The following EXOC4 variants were observed in gnomAD, a reference collection of about 807,000 sequenced individuals.
EXOC4 encodes the protein SEC8-like 1.
In EXOC4, 71 loss-of-function variants were observed where a neutral mutation model predicts 107.2. That is an observed-to-expected ratio of 0.66 (90% CI 0.55 to 0.81). The LOEUF (loss-of-function observed/expected upper bound fraction) is 0.81, where lower values mean the gene tolerates loss of function less well. EXOC4 is among the 30% of genes least tolerant of loss of function. The pLI, the probability that EXOC4 is intolerant of heterozygous loss-of-function variation, is 0.00. For synonymous variants in EXOC4, 456 were observed against 441.2 expected (o/e 1.03, Z -0.42); for missense variants, 1,108 against 1,189.6 (o/e 0.93, Z 1.01).
intron 10 of EXOC4, among the ~76,000 whole-genome samples, chr7:133,698,586 A>AAAT (rs1554387388): frequency 6.6e-6 from 1 of 151,584 alleles, no homozygotes; most frequent in Non-Finnish European, 1.5e-5. Context: ...AAAAAAAAAA[A>AAAT]AATATAGAAG....
the EXOC4 span, among the ~76,000 whole-genome samples, chr7:134,094,372 G>A: frequency 9.2e-5 from 14 of 152,248 alleles, 1 homozygote; most frequent in East Asian, 7.7e-4. Flanking sequence ...GGAAGAAATT[G>A]AAACACTGAA....
intron 9 of EXOC4, among the ~76,000 whole-genome samples, chr7:133,498,395 C>A (rs1382743466): frequency 6.6e-6 from 1 of 152,144 alleles, no homozygotes; most frequent in Admixed American, 6.5e-5. Flanking sequence ...ACCATCCTGG[C>A]TAACACGGTG....
chr7:133,795,561 T>C (rs939797825), intron 10 of EXOC4, among the ~76,000 whole-genome samples: 9 of 152,208 alleles, frequency 5.9e-5, no homozygotes, highest in Non-Finnish European at 1.3e-4. Flanking sequence ...CAGTTATGAA[T>C]AGCACAGCCA....
intron 14 of EXOC4, among the ~76,000 whole-genome samples, chr7:133,971,275 A>T (rs183435829): frequency 0.026 from 2,412 of 94,082 alleles, 67 homozygotes; most frequent in African/African-American, 0.062. Context: ...TTGGTTTTTT[A>T]AAAAAAATAT....
chr7:133,363,971 A>G (rs1002716696), intron 6 of EXOC4, among the ~76,000 whole-genome samples: 2 of 152,096 alleles, frequency 1.3e-5, no homozygotes, highest in African/African-American at 2.4e-5. Context: ...AAGCACCTTC[A>G]TGTGTCTCTC....
At chr7:133,331,626 C>T (rs773917071) in intron 5 of EXOC4, among the ~76,000 whole-genome samples, 8 of 152,016 alleles carry the variant, frequency 5.3e-5, no homozygotes, top group Non-Finnish European at 8.8e-5. Flanking sequence ...CCACCTCGCC[C>T]GGCTAATTTT....
At chr7:134,074,837 A>G in the EXOC4 span, among the ~76,000 whole-genome samples, 1 of 152,368 alleles carries the variant, frequency 6.6e-6, no homozygotes, top group Admixed American at 6.5e-5. Context: ...CTCACGGAGC[A>G]TTTCTGAGGA....
intron 9 of EXOC4, among the ~76,000 whole-genome samples, chr7:133,617,796 A>G (rs1305735871): frequency 6.6e-6 from 1 of 152,214 alleles, no homozygotes; most frequent in Non-Finnish European, 1.5e-5. Context: ...TCTTGTCAAA[A>G]TATACATCCT....
intron 14 of EXOC4, among the ~76,000 whole-genome samples, chr7:133,959,551 T>TA (rs1395455560): frequency 6.6e-5 from 10 of 150,954 alleles, no homozygotes; most frequent in African/African-American, 1.7e-4. Context: ...GAGAGGGCCA[T>TA]AAAAAAAATT....
intron 11 of EXOC4, among the ~76,000 whole-genome samples, chr7:133,847,733 A>G (rs1367090644): frequency 6.6e-6 from 1 of 151,254 alleles, no homozygotes; most frequent in Non-Finnish European, 1.5e-5. Flanking sequence ...TGGGGGACGG[A>G]GTCTCGCTCT....
chr7:133,478,534 G>A (rs76345061), intron 8 of EXOC4, among the ~76,000 whole-genome samples: 1 of 152,098 alleles, frequency 6.6e-6, no homozygotes, highest in Non-Finnish European at 1.5e-5. Context: ...TCAATCTCTA[G>A]TGCCTCTTTT....
rs75711025 is a variant in EXOC4, at chr7:133,687,734, G to T, written c.1514+57593G>T. Among the ~76,000 whole-genome samples the T allele has an allele frequency of 2.8e-3, 430 of 152,164 alleles. 2 individuals carry two copies. The highest frequency in any genetic ancestry group is 0.026 in the East Asian group (137 of 5,176). On this transcript the variant is annotated intron_variant, in intron 10 of 17. Coordinates refer to ENST00000253861, the MANE Select transcript of EXOC4 (RefSeq NM_021807.4). The stretch of plus-strand genomic sequence containing the variant: ...GCAGGACCTAGACTGAACTTCTGGT[G>T]TTTCTGTAACATTAATACAAGTGCT...
chr7:134,058,187 T>C (rs1037733824), intron 17 of EXOC4, among the ~76,000 whole-genome samples: 7 of 152,202 alleles, frequency 4.6e-5, no homozygotes, highest in African/African-American at 1.7e-4. Context: ...GCTGTAGATA[T>C]TGGCTAAAAA....
chr7:134,019,010 A>G (rs1585326042), intron 17 of EXOC4, among the ~76,000 whole-genome samples: 1 of 151,692 alleles, frequency 6.6e-6, no homozygotes, highest in South Asian at 2.1e-4. Context: ...GCCTCATGCA[A>G]CCTCCGCCTC....
At chr7:133,889,258 G>A (rs1799153354) in intron 11 of EXOC4, among the ~76,000 whole-genome samples, 1 of 152,026 alleles carries the variant, frequency 6.6e-6, no homozygotes, top group South Asian at 2.1e-4. Flanking sequence ...TTCCATGATA[G>A]CGACTTGAAA....
intron 9 of EXOC4, among the ~76,000 whole-genome samples, chr7:133,503,852 A>G (rs1227819299): frequency 6.6e-6 from 1 of 152,078 alleles, no homozygotes; most frequent in East Asian, 1.9e-4. Flanking sequence ...GGTAGCCTTC[A>G]GGGAATCTGT....
chr7:133,780,208 T>G (rs1165599860), intron 10 of EXOC4, among the ~76,000 whole-genome samples: 1 of 152,104 alleles, frequency 6.6e-6, no homozygotes, highest in Non-Finnish European at 1.5e-5. Flanking sequence ...CCCTAAATGC[T>G]TTAGTAAGCA....
intron 9 of EXOC4, among the ~76,000 whole-genome samples, chr7:133,493,163 G>A (rs537654797): frequency 1.3e-5 from 2 of 152,270 alleles, no homozygotes; most frequent in East Asian, 1.9e-4. Flanking sequence ...GGTGACTCAT[G>A]CCTGTAATCC....
intron 2 of EXOC4, among the ~76,000 whole-genome samples, chr7:133,282,949 G>GTTA (rs1224346253): frequency 6.6e-6 from 1 of 152,138 alleles, no homozygotes; most frequent in Non-Finnish European, 1.5e-5. Context: ...CTCACCCTGA[G>GTTA]CCCCTGGTAA....
Sources: gnomAD v4.1 joint callset for allele counts (sites outside exome capture counted in the v4.1 genomes callset) on GRCh38, gnomAD v4.1.1 for gene constraint, MANE v1.5 for transcripts, NCBI Gene and HGNC (gene_info 2026-07-23, HGNC 2026-07-21) for gene names.